The following SATB2 variants were observed in gnomAD, a reference collection of about 807,000 sequenced individuals.
The protein encoded by SATB2 is DNA-binding protein SATB2.
Under a neutral mutation model 73.4 loss-of-function variants are expected in SATB2, and 1 was observed. The ratio of observed to expected loss-of-function variants is 0.01; its 90% confidence interval spans 0.00 to 0.06. The LOEUF (loss-of-function observed/expected upper bound fraction) is 0.06, where lower values mean the gene tolerates loss of function less well. Among genes scored for constraint, SATB2 ranks in the 10% least tolerant of loss-of-function variants. The pLI, the probability that SATB2 is intolerant of heterozygous loss-of-function variation, is 1.00. For missense variants in SATB2, 459 were observed against 945.8 expected (o/e 0.49, Z 6.75); for synonymous variants, 397 against 367.0 (o/e 1.08, Z -0.93).
chr2:199,299,635 G>GT (rs71397718), intron 10 of SATB2, among the ~76,000 whole-genome samples: 87,790 of 151,524 alleles, frequency 0.58, 27,944 homozygotes, highest in Non-Finnish European at 0.71. Flanking sequence ...GTGAAATTTT[G>GT]TTTTTTTTCA....
At chr2:199,377,371 C>T (rs1273754369) in intron 5 of SATB2, among the ~76,000 whole-genome samples, 1 of 152,096 alleles carries the variant, frequency 6.6e-6, no homozygotes, top group Non-Finnish European at 1.5e-5. Flanking sequence ...GAGCGAAATT[C>T]TGTCTTAAAA....
intron 1 of SATB2, among the ~76,000 whole-genome samples, chr2:199,456,974 G>T (rs1006560375): frequency 7.5e-6 from 1 of 134,132 alleles, no homozygotes; most frequent in Admixed American, 7.7e-5. Flanking sequence ...GATTGGGGGG[G>T]TGGGGGGGGG....
In SATB2 at chr2:199,464,433, G is replaced by GCACACACACA. The variant is rs148806110; in HGVS notation, c.-141+393_-141+402dup. On this transcript the variant is annotated intron_variant, in intron 1 of 11. Coordinates refer to the SATB2 transcript ENST00000260926. This position sits in a 1 kb window ranked among gnomAD's most constrained non-coding sequence, Gnocchi z 6.6. ...CACCACCATTTCCACGCGCGCGCGC[G>GCACACACACA]CACACACACACACACACACACAGAG... 4.5e-3 allele frequency among the ~76,000 whole-genome samples: 678 copies of GCACACACACA among 149,460 alleles called. 9 individuals carry two copies. The highest frequency in any genetic ancestry group is 0.016 in the African/African-American group (649 of 41,076).
chr2:199,353,923 T>C (rs1003710309), intron 6 of SATB2, among the ~76,000 whole-genome samples: 3 of 152,206 alleles, frequency 2.0e-5, no homozygotes, highest in African/African-American at 7.2e-5. Flanking sequence ...ATCCCTGCAG[T>C]ATTTAGCAGA....
chr2:199,335,299 G>C (rs759800197), intron 7 of SATB2, among the ~76,000 whole-genome samples: 2 of 152,090 alleles, frequency 1.3e-5, no homozygotes, highest in Admixed American at 6.6e-5. Context: ...GGGAATTAAT[G>C]TATTCTGCAA....
intron 3 of SATB2, among the ~76,000 whole-genome samples, chr2:199,402,289 GC>G (rs1690505545): frequency 6.6e-6 from 1 of 152,174 alleles, no homozygotes; most frequent in South Asian, 2.1e-4. Context: ...GGACACTGAG[GC>G]AGGAGAATCA....
intron 5 of SATB2, among the ~76,000 whole-genome samples, chr2:199,371,038 T>C (rs1332799766): frequency 2.0e-5 from 3 of 152,140 alleles, no homozygotes; most frequent in African/African-American, 7.2e-5. Flanking sequence ...TGACACATTT[T>C]ATTCATATCA....
In SATB2 at chr2:199,323,816, G is replaced by A; in HGVS notation, c.1529C>T (p.Ala510Val). ...VSQALFAKVA[A>V]NKSQGWLCEL... ...AAAACCACTCACCTGACTTTTATTTGCAGCCACTTTGGCAAACAGGGCTTG... is the reference window on the plus strand; with the variant it reads ...AAAACCACTCACCTGACTTTTATTTACAGCCACTTTGGCAAACAGGGCTTG... Residue 510 changes from alanine to valine, a missense_variant, in exon 9 of 11, where the codon GCA (alanine) becomes GTA (valine). Ala to Val is a moderately conservative substitution (Grantham distance 64). This residue lies in a region of SATB2 where 3 missense variants were observed against 42.9 expected (regional missense o/e 0.07). Coordinates refer to ENST00000417098, the MANE Select transcript of SATB2 (RefSeq NM_001172509.2). The A allele has an allele frequency of 6.2e-7, 1 of 1,613,352 alleles. No individual in the cohort carries two copies. The highest frequency in any genetic ancestry group is 8.5e-7 in the Non-Finnish European group (1 of 1,179,554).
At chr2:199,421,561 T>C (rs1691170273) in intron 3 of SATB2, among the ~76,000 whole-genome samples, 1 of 152,194 alleles carries the variant, frequency 6.6e-6, no homozygotes, top group South Asian at 2.1e-4. Flanking sequence ...TGTTAATTCC[T>C]GGGCAAAGAA....
intron 10 of SATB2, among the ~76,000 whole-genome samples, chr2:199,283,301 A>G (rs1156286545): frequency 1.4e-5 from 2 of 145,614 alleles, no homozygotes; most frequent in African/African-American, 5.1e-5. Flanking sequence ...CGTATTAGCC[A>G]GGACGGTCTC....
chr2:199,302,391 T>G (rs181919454), intron 10 of SATB2, among the ~76,000 whole-genome samples: 12 of 152,262 alleles, frequency 7.9e-5, no homozygotes, highest in Admixed American at 7.9e-4. Context: ...GAAAACCTAG[T>G]AATATAATAA....
chr2:199,309,268 T>C (rs1165107623), intron 9 of SATB2, among the ~76,000 whole-genome samples: 1 of 152,232 alleles, frequency 6.6e-6, no homozygotes, highest in Non-Finnish European at 1.5e-5. Flanking sequence ...AAGTAATTTG[T>C]GTCAGTCAGC....
rs1691684252 is a variant in SATB2, at chr2:199,437,434, T to G, written c.170-3920A>C. 7.2e-5 allele frequency among the ~76,000 whole-genome samples: 11 copies of G among 152,240 alleles called. No individual in the cohort carries two copies. In the South Asian group the frequency reaches 2.3e-3, roughly 32 times the overall value. On this transcript the variant is annotated intron_variant, in intron 2 of 10. Transcript: ENST00000417098. ...GAAACTGTCATTTTCATTCTGACAT[T>G]ATTTCTAAAGAAGTGTGTATAATTT...
intron 6 of SATB2, among the ~76,000 whole-genome samples, chr2:199,355,276 GTGTGTATATA>G (rs1238577515): frequency 6.7e-6 from 1 of 149,568 alleles, no homozygotes; most frequent in Admixed American, 6.7e-5. Flanking sequence ...ATACAAGGAT[GTGTGTATATA>G]TGTGTATATA....
At chr2:199,458,605 G>T, upstream of SATB2, 1 of 434,100 alleles carries the variant, frequency 2.3e-6, no homozygotes, top group Non-Finnish European at 4.6e-6. Context: ...CGCGGAGGCG[G>T]CGGCGACAAG....
chr2:199,287,592 G>T (rs931836124), intron 10 of SATB2, among the ~76,000 whole-genome samples: 1 of 151,718 alleles, frequency 6.6e-6, no homozygotes, highest in Non-Finnish European at 1.5e-5. Context: ...GTGGTGGGGG[G>T]GGAGATTATC....
rs1181304608 is a variant in SATB2 at position 199,329,786 on chromosome 2, A to G, written c.1174-876T>C. On this transcript the variant is annotated intron_variant, in intron 7 of 10. Coordinates refer to ENST00000417098, the MANE Select transcript of SATB2 (RefSeq NM_001172509.2). ...AGAAAAGGAAAATGCTGCCAAGTCTAGAGAAAAGTAGTATGGACTCCAGAA... is the reference window on the plus strand; with the variant it reads ...AGAAAAGGAAAATGCTGCCAAGTCTGGAGAAAAGTAGTATGGACTCCAGAA... Among the ~76,000 whole-genome samples, 3 of 152,208 alleles carry G rather than the reference A, an allele frequency of 2.0e-5. No individual in the cohort carries two copies. In the East Asian group the frequency reaches 5.8e-4, roughly 29 times the overall value.
upstream of SATB2, among the ~76,000 whole-genome samples, chr2:199,462,034 G>A (rs995419489): frequency 6.6e-6 from 1 of 152,168 alleles, no homozygotes; most frequent in Non-Finnish European, 1.5e-5. This position sits in a 1 kb window ranked among gnomAD's most constrained non-coding sequence, Gnocchi z 5.9. Context: ...GGGCCATCCC[G>A]GGCTCTGAGG....
At position 199,420,628 on chromosome 2, in the gene SATB2, C is replaced by T. The variant is rs1691136273; in HGVS notation, c.346+12710G>A. Among the ~76,000 whole-genome samples the T allele has an allele frequency of 2.0e-5, 3 of 152,048 alleles. No homozygotes were observed. The South Asian group carries it at 6.2e-4, about 32-fold the overall frequency. On this transcript the variant is annotated intron_variant, in intron 3 of 10. Coordinates refer to ENST00000417098, the MANE Select transcript of SATB2 (RefSeq NM_001172509.2). ...TTTACATGGTTAAATTAATATCTGCCAAGAGACTCAGACAAATTCATAATC... is the reference window on the plus strand; with the variant it reads ...TTTACATGGTTAAATTAATATCTGCTAAGAGACTCAGACAAATTCATAATC...
Sources: allele counts gnomAD v4.1 joint callset (sites outside exome capture counted in the v4.1 genomes callset), GRCh38; gene constraint gnomAD v4.1.1; regional missense constraint gnomAD v4.1.1; non-coding constraint Gnocchi (gnomAD v3.1); transcripts MANE v1.5; gene names NCBI Gene and HGNC (gene_info 2026-07-23, HGNC 2026-07-21).